Variants in MYO18A observed in about 807,000 individuals in gnomAD.
MYO18A encodes the protein unconventional myosin-XVIIIa.
In MYO18A, 78 loss-of-function variants were observed where a neutral mutation model predicts 235.8. The ratio of observed to expected loss-of-function variants is 0.33; its 90% CI spans 0.28 to 0.40. The LOEUF is 0.40. Ranked by LOEUF, MYO18A falls within the 10% of genes least tolerant of loss-of-function variation. The pLI is 1.00. For missense variants in MYO18A, 2,215 were observed against 2,699.3 expected (o/e 0.82, Z 3.98); for synonymous variants, 977 against 1,077.8 (o/e 0.91, Z 1.83).
intron 15 of MYO18A, among the ~76,000 whole-genome samples, chr17:29,113,077 CT>C (rs2066972254): frequency 6.6e-6 from 1 of 152,252 alleles, no homozygotes; most frequent in Non-Finnish European, 1.5e-5. Flanking sequence ...GACATCCCCC[CT>C]CTCCCGGGAA....
chr17:29,167,700 CAAAA>C (rs748643802), intron 1 of MYO18A, among the ~76,000 whole-genome samples: 1 of 119,300 alleles, frequency 8.4e-6, no homozygotes, highest in Admixed American at 8.9e-5. Context: ...GACCCTGTCT[CAAAA>C]AAAAAAAAAA....
In MYO18A at chr17:29,110,067, A is replaced by G. The variant is rs1316653453; in HGVS notation, c.3122T>C (p.Leu1041Pro). 4.3e-6 allele frequency: 7 copies of G among 1,612,626 alleles called. No homozygotes were observed. Among genetic ancestry groups the G allele is most frequent in the Non-Finnish European group, 5.9e-6 (7 of 1,179,848 alleles). ...ALIDTIKKSK[L>P]HFVHCFLPVA... The stretch of plus-strand genomic sequence containing the variant: ...AGGCAGGAAGCAGTGCACAAAATGC[A>G]GCTTTGACTTCTTGATGGTGTCGAT... Residue 1041 changes from leucine to proline, a missense_variant, in exon 19 of 42, where the codon CTG becomes CCG. Transcript: ENST00000527372.
At position 29,096,873 on chromosome 17, in the gene MYO18A, G is replaced by C. The variant is rs755641927; in HGVS notation, c.4273C>G (p.Leu1425Val). The C allele has an allele frequency of 1.3e-6, 2 of 1,580,950 alleles. No individual in the cohort carries two copies. The highest frequency in any genetic ancestry group is 1.7e-6 in the Non-Finnish European group (2 of 1,164,268). Reference sequence around the variant, plus strand: ...TGGCACTTCTTCTTGAGCTGCTGCAGAGCCCGCTGACTCTCCTCACTATCT... The same window carrying C: ...TGGCACTTCTTCTTGAGCTGCTGCACAGCCCGCTGACTCTCCTCACTATCT... ...QADSEESQRALQQLKKKCQRL... is the reference protein window; with the variant it reads ...QADSEESQRAVQQLKKKCQRL... The change falls in exon 28 of 42, where the codon CTG becomes GTG. Residue 1425 changes from leucine to valine, a missense_variant. Coordinates refer to ENST00000527372, the MANE Select transcript of MYO18A (RefSeq NM_078471.4).
chr17:29,154,725 C>T (rs2068030557), intron 2 of MYO18A, among the ~76,000 whole-genome samples: 1 of 152,206 alleles, frequency 6.6e-6, no homozygotes, highest in Admixed American at 6.5e-5. Context: ...TGGGTTCCCC[C>T]CATGCCTGAA....
intron 1 of MYO18A, among the ~76,000 whole-genome samples, chr17:29,171,113 A>G (rs117910261): frequency 0.031 from 4,764 of 152,286 alleles, 106 homozygotes; most frequent in Non-Finnish European, 0.048. Flanking sequence ...GTTTGGGTTG[A>G]TAAGTATATG....
chr17:29,109,873 G>A lies in MYO18A; in HGVS notation c.3316C>T (p.Arg1106Cys), dbSNP rs757196330. Residue 1106 changes from arginine (R) to cysteine (C), a missense_variant, in exon 19 of 42, where the codon CGC becomes TGC. Arg to Cys is a radical substitution (Grantham distance 180, BLOSUM62 -3). Coordinates refer to ENST00000527372, the MANE Select transcript of MYO18A (RefSeq NM_078471.4). The surrounding 1 kb of genome is among the most constrained non-coding windows in gnomAD (Gnocchi z 4.1). ...GAGGCCCCACCTTGGCGGTACATGC[G>A]CATGGCATCGAGCAGGCGGGAGCCG... ...LRGSRLLDAM[R>C]MYRQGYPDHM... 8.3e-6 allele frequency: 13 copies of A among 1,562,104 alleles called. No individual in the cohort carries two copies. The highest frequency in any genetic ancestry group is 6.8e-5 in the African/African-American group (5 of 73,690).
chr17:29,125,024 C>G lies in MYO18A; in HGVS notation c.1000-2771G>C, dbSNP rs1317424928. On this transcript the variant is annotated intron_variant, in intron 2 of 41. Transcript: ENST00000527372. The surrounding 1 kb of genome is among the most constrained non-coding windows in gnomAD (Gnocchi z 5.1). ...GTCTCTCCTGGGCTGGCCATCCGGT[C>G]TATTCTGAATCAGGCTCCCTCTTCT... Among the ~76,000 whole-genome samples, 1 of 152,210 alleles carries G rather than the reference C, an allele frequency of 6.6e-6. No individual in the cohort carries two copies. The highest frequency in any genetic ancestry group is 6.5e-5 in the Admixed American group (1 of 15,288).
chr17:29,128,686 G>A, intron 2 of MYO18A: 1 of 595,462 alleles, frequency 1.7e-6, no homozygotes, highest in Non-Finnish European at 2.4e-6. Flanking sequence ...GCTCCACGAG[G>A]CTACCCCAGG....
Position 29,166,808 on chromosome 17 carries a change from A to T in MYO18A, c.133T>A (p.Phe45Ile). ...SLEEMSLRRG[F>I]FNLNRSSKRE... ...TTGGAGGAGCGGTTCAGGTTGAAGA[A>T]GCCACGTCGCAGGCTCATCTCCTCC... Residue 45 changes from phenylalanine to isoleucine, a missense_variant, in exon 2 of 42, where the codon TTC becomes ATC. By Grantham distance (21) the Phe-to-Ile change is conservative. Coordinates refer to ENST00000527372, the MANE Select transcript of MYO18A (RefSeq NM_078471.4). 6.2e-7 allele frequency: 1 copy of T among 1,604,928 alleles called. No individual in the cohort carries two copies. The highest frequency in any genetic ancestry group is 1.1e-5 in the South Asian group (1 of 89,504).
Position 29,117,370 on chromosome 17 carries a change from C to T in MYO18A, c.2038+675G>A, listed in dbSNP as rs550677234. On this transcript the variant is annotated intron_variant, in intron 10 of 41. Coordinates refer to ENST00000527372, the MANE Select transcript of MYO18A (RefSeq NM_078471.4). The surrounding 1 kb of genome is among the most constrained non-coding windows in gnomAD (Gnocchi z 4.6). ...AGAGGAAGATACGGAGCTACCCAAC[C>T]AGTGGAGAAGGGAAGAGGACTGGGG... Among the ~76,000 whole-genome samples the T allele has an allele frequency of 1.1e-3, 170 of 152,294 alleles. No homozygotes were observed. Among genetic ancestry groups the T allele is most frequent in the Non-Finnish European group, 1.9e-3 (128 of 68,022 alleles).
intron 2 of MYO18A, among the ~76,000 whole-genome samples, chr17:29,153,476 A>G (rs1435741801): frequency 6.6e-6 from 1 of 152,228 alleles, no homozygotes; most frequent in Non-Finnish European, 1.5e-5. Flanking sequence ...TTCATAGATG[A>G]CGAAAATGAG....
chr17:29,131,161 T>G (rs956380823), intron 2 of MYO18A, among the ~76,000 whole-genome samples: 1 of 152,160 alleles, frequency 6.6e-6, no homozygotes, highest in Non-Finnish European at 1.5e-5. Flanking sequence ...TGGCATCACA[T>G]ACACCGTACT....
intron 1 of MYO18A, among the ~76,000 whole-genome samples, chr17:29,167,889 T>C (rs2068317673): frequency 6.6e-6 from 1 of 152,188 alleles, no homozygotes; most frequent in Non-Finnish European, 1.5e-5. Flanking sequence ...CAACATTTAT[T>C]TAATGACTAC....
chr17:29,124,984 C>G (rs992382909), intron 2 of MYO18A, among the ~76,000 whole-genome samples: 6 of 152,224 alleles, frequency 3.9e-5, no homozygotes, highest in African/African-American at 1.4e-4. Flanking sequence ...GTCTGCCACT[C>G]TGCCTCTGGC....
At chr17:29,157,814 C>T (rs916577058) in intron 2 of MYO18A, among the ~76,000 whole-genome samples, 1 of 151,900 alleles carries the variant, frequency 6.6e-6, no homozygotes, top group African/African-American at 2.4e-5. Flanking sequence ...CAGGGTCTTG[C>T]TCTGTGTCCC....
At chr17:29,159,818 CCTT>C (rs1235864318) in intron 2 of MYO18A, among the ~76,000 whole-genome samples, 8 of 152,226 alleles carry the variant, frequency 5.3e-5, no homozygotes, top group African/African-American at 1.4e-4. Context: ...GCTCTCCTGT[CCTT>C]CTCCCAGATG....
chr17:29,118,145 C>G lies in MYO18A; in HGVS notation c.1938G>C (p.Gln646His). ...QKAAQQFSKLQAAMKVLGISP... is the reference protein window; with the variant it reads ...QKAAQQFSKLHAAMKVLGISP... The stretch of plus-strand genomic sequence containing the variant: ...AGATGCCCAGCACCTTCATGGCCGC[C>G]TGCAGCTTACTAAACTGCTGAGCTG... Residue 646 changes from glutamine to histidine, a missense_variant, in exon 10 of 42, where the codon CAG becomes CAC. Transcript: ENST00000527372. The surrounding 1 kb of genome is among the most constrained non-coding windows in gnomAD (Gnocchi z 4.2). The G allele has an allele frequency of 6.3e-7, 1 of 1,597,810 alleles. No individual in the cohort carries two copies. Among genetic ancestry groups the G allele is most frequent in the Non-Finnish European group, 8.5e-7 (1 of 1,171,518 alleles).
At chr17:29,135,513 A>T (rs1256709811) in intron 2 of MYO18A, among the ~76,000 whole-genome samples, 2 of 152,246 alleles carry the variant, frequency 1.3e-5, no homozygotes, top group African/African-American at 4.8e-5. Flanking sequence ...CTGTTTTATT[A>T]TTCAGTTAAT....
At chr17:29,116,499 T>C in intron 10 of MYO18A, 44 bp from the exon 11 acceptor site, 1 of 1,613,662 alleles carries the variant, frequency 6.2e-7, no homozygotes, top group Non-Finnish European at 8.5e-7. Flanking sequence ...AGAAAAACAG[T>C]GTGTTAGCAA....
Sources: gnomAD v4.1 joint callset for allele counts (sites outside exome capture counted in the v4.1 genomes callset) on GRCh38, gnomAD v4.1.1 for gene constraint, Gnocchi (gnomAD v3.1) non-coding constraint, MANE v1.5 for transcripts, NCBI Gene and HGNC (gene_info 2026-07-23, HGNC 2026-07-21) for gene names.